The following GPC6 variants were observed in gnomAD, a reference collection of about 807,000 sequenced individuals.
GPC6 encodes glypican-6.
GPC6 carries 14 observed loss-of-function variants against 55.2 expected under a neutral mutation model. The ratio of observed to expected loss-of-function variants is 0.25; its 90% CI spans 0.17 to 0.40. The LOEUF (loss-of-function observed/expected upper bound fraction) is 0.40. Ranked by LOEUF, GPC6 falls within the 10% of genes least tolerant of loss-of-function variation. The pLI is 1.00. For synonymous variants in GPC6, 278 were observed against 259.6 expected (o/e 1.07, Z -0.68); for missense variants, 641 against 708.5 (o/e 0.90, Z 1.08).
At chr13:94,164,628 C>T (rs910987876) in intron 4 of GPC6, among the ~76,000 whole-genome samples, 4 of 152,076 alleles carry the variant, frequency 2.6e-5, no homozygotes, top group African/African-American at 9.7e-5. Flanking sequence ...TCTTACAGTC[C>T]TTATACTGAG....
At chr13:94,101,564 T>A in intron 4 of GPC6, among the ~76,000 whole-genome samples, 1 of 152,226 alleles carries the variant, frequency 6.6e-6, no homozygotes, top group Non-Finnish European at 1.5e-5. Context: ...ATAAATGATT[T>A]AGATATTCTC....
At chr13:93,783,492 G>T (rs1266149963) in intron 2 of GPC6, among the ~76,000 whole-genome samples, 4 of 152,108 alleles carry the variant, frequency 2.6e-5, no homozygotes, top group African/African-American at 9.7e-5. Context: ...ACCAGCATCT[G>T]TTGTTTCTTG....
chr13:93,667,336 AAG>A (rs1261554610), intron 2 of GPC6, among the ~76,000 whole-genome samples: 3 of 152,102 alleles, frequency 2.0e-5, no homozygotes, highest in African/African-American at 7.2e-5. Context: ...ATGTAAATCA[AAG>A]AGAGAGAGAG....
chr13:93,856,324 A>C (rs1888609019), intron 3 of GPC6, among the ~76,000 whole-genome samples: 1 of 151,612 alleles, frequency 6.6e-6, no homozygotes, highest in African/African-American at 2.4e-5. Flanking sequence ...AGGATAAGGC[A>C]GGATGTCCAA....
intron 4 of GPC6, among the ~76,000 whole-genome samples, chr13:94,230,129 C>A (rs958948034): frequency 4.6e-5 from 7 of 152,024 alleles, no homozygotes; most frequent in African/African-American, 1.4e-4. Flanking sequence ...TAAAACCATA[C>A]TTTTTCCTCA....
At chr13:94,286,551 C>G (rs1354900981) in intron 5 of GPC6, 72 bp downstream of exon 5, 1 of 1,354,806 alleles carries the variant, frequency 7.4e-7, no homozygotes, top group Non-Finnish European at 1.0e-6. Context: ...AACGAAGTAA[C>G]TAGATATGTC....
chr13:94,383,754 C>T (rs1880280542), intron 7 of GPC6, among the ~76,000 whole-genome samples: 2 of 152,084 alleles, frequency 1.3e-5, no homozygotes, highest in African/African-American at 4.8e-5. Context: ...TAAAGAACTT[C>T]CCTGAGACTG....
At chr13:94,131,142 A>G (rs1886986820) in intron 4 of GPC6, among the ~76,000 whole-genome samples, 1 of 152,122 alleles carries the variant, frequency 6.6e-6, no homozygotes, top group African/African-American at 2.4e-5. Flanking sequence ...TAAGATTCCT[A>G]AAATATAAGT....
intron 2 of GPC6, among the ~76,000 whole-genome samples, chr13:93,688,702 G>C (rs1284110304): frequency 6.6e-6 from 1 of 152,034 alleles, no homozygotes. Context: ...TCACTTACAT[G>C]AAGTACCTAG....
chr13:93,363,294 C>T (rs578101359), intron 1 of GPC6, among the ~76,000 whole-genome samples: 5 of 151,272 alleles, frequency 3.3e-5, no homozygotes, highest in Middle Eastern at 3.4e-3. Flanking sequence ...CTCCCCCCAC[C>T]CCACAACAGT....
In GPC6 at chr13:93,741,156, C is replaced by G. The variant is rs983494108; in HGVS notation, c.320-88998C>G. 9.0e-5 allele frequency among the ~76,000 whole-genome samples: 13 copies of G among 143,998 alleles called. 1 individual carries two copies. The highest frequency in any genetic ancestry group is 5.5e-4 in the Admixed American group (8 of 14,430). The allele number at this position is 143,998 out of a possible 152,430, so 94.5% of individuals were successfully genotyped here. A position where few individuals can be genotyped will look rare whatever the true frequency, so the allele number is the denominator to read the frequency against. ...TTTTTTTTTTTGAGACGAAATCTCCCTCTGTCGCCCAGGTTGGAGTGCATC... is the reference window on the plus strand; with the variant it reads ...TTTTTTTTTTTGAGACGAAATCTCCGTCTGTCGCCCAGGTTGGAGTGCATC... On this transcript the variant is annotated intron_variant, in intron 2 of 8. Transcript: ENST00000377047.
chr13:94,296,508 G>C (rs757283794), intron 5 of GPC6, among the ~76,000 whole-genome samples: 2 of 152,182 alleles, frequency 1.3e-5, no homozygotes, highest in Non-Finnish European at 2.9e-5. Context: ...TGCTTCTCAT[G>C]GGCAGTGAAG....
chr13:93,382,644 A>G lies in GPC6; in HGVS notation c.160+155028A>G, dbSNP rs561832968. Among the ~76,000 whole-genome samples, 8 of 152,342 alleles carry G rather than the reference A, an allele frequency of 5.3e-5. No homozygotes were observed. In the East Asian group the frequency reaches 9.7e-4, roughly 18 times the overall value. On this transcript the variant is annotated intron_variant, in intron 1 of 8. Transcript: ENST00000377047. ...GCTATGTTGCCAGTCAAATAATCTT[A>G]TAAAGACATAAAAGGTGCTGTGCAT...
intron 2 of GPC6, among the ~76,000 whole-genome samples, chr13:93,654,242 A>G (rs1198499327): frequency 6.6e-6 from 1 of 151,904 alleles, no homozygotes; most frequent in Non-Finnish European, 1.5e-5. Context: ...TTAAGTAATT[A>G]TTATTATTAT....
At chr13:93,909,063 G>A (rs1450376582) in intron 3 of GPC6, among the ~76,000 whole-genome samples, 1 of 152,070 alleles carries the variant, frequency 6.6e-6, no homozygotes, top group Non-Finnish European at 1.5e-5. Flanking sequence ...TAGAATAAAA[G>A]TTATGCAAAG....
intron 1 of GPC6, among the ~76,000 whole-genome samples, chr13:93,351,744 A>C (rs189865876): frequency 6.6e-6 from 1 of 152,122 alleles, no homozygotes; most frequent in Non-Finnish European, 1.5e-5. Flanking sequence ...ATGCTTAAAA[A>C]TTAAAAATAT....
At chr13:94,003,415 C>T (rs1226080695) in intron 3 of GPC6, among the ~76,000 whole-genome samples, 1 of 152,030 alleles carries the variant, frequency 6.6e-6, no homozygotes, top group Non-Finnish European at 1.5e-5. Flanking sequence ...GAAGAAGTGT[C>T]AAAATTACAA....
At chr13:93,617,246 A>G (rs773284853) in intron 2 of GPC6, among the ~76,000 whole-genome samples, 3 of 152,094 alleles carry the variant, frequency 2.0e-5, no homozygotes, top group Non-Finnish European at 4.4e-5. Context: ...GGAAATTTAT[A>G]ATTAGAAGGA....
At chr13:94,090,163 G>C (rs536728683) in intron 4 of GPC6, among the ~76,000 whole-genome samples, 1 of 152,108 alleles carries the variant, frequency 6.6e-6, no homozygotes, top group Non-Finnish European at 1.5e-5. Flanking sequence ...AGGAGCAAAG[G>C]CATGTCTTAC....
Sources: gnomAD v4.1 joint callset for allele counts (sites outside exome capture counted in the v4.1 genomes callset) on GRCh38, gnomAD v4.1.1 for gene constraint, MANE v1.5 for transcripts, NCBI Gene and HGNC (gene_info 2026-07-23, HGNC 2026-07-21) for gene names.